FZD6: variants seen among roughly 807,000 people sequenced by gnomAD.
The protein encoded by FZD6 is frizzled-6.
In FZD6, 49 loss-of-function variants were observed where a neutral mutation model predicts 61.4. The ratio of observed to expected loss-of-function variants is 0.80; its 90% confidence interval spans 0.63 to 1.01. The LOEUF is 1.01. FZD6 is among the 50% of genes least tolerant of loss of function. FZD6 has a pLI of 0.00. For missense variants in FZD6, 724 were observed against 848.2 expected (o/e 0.85, Z 1.82); for synonymous variants, 265 against 292.2 (o/e 0.91, Z 0.95).
rs75847304 is a variant in FZD6 at position 103,322,753 on chromosome 8, G to A, written c.375-1728G>A. Among the ~76,000 whole-genome samples the A allele has an allele frequency of 2.2e-3, 339 of 152,268 alleles. 2 individuals carry two copies. The highest frequency in any genetic ancestry group is 7.9e-3 in the African/African-American group (327 of 41,558). The stretch of plus-strand genomic sequence containing the variant: ...ATGTGGAACTTACACACTTCTGGTA[G>A]ATACATAATCATTTTCAAGAACAAT... On this transcript the variant is annotated intron_variant, in intron 3 of 6. Coordinates refer to ENST00000358755, the MANE Select transcript of FZD6 (RefSeq NM_003506.4).
Position 103,326,824 on chromosome 8 carries a change from A to G in FZD6, c.1392+1326A>G, listed in dbSNP as rs376818347. 4.6e-5 allele frequency among the ~76,000 whole-genome samples: 7 copies of G among 152,220 alleles called. No individual in the cohort carries two copies. The South Asian group carries it at 1.2e-3, about 27-fold the overall frequency. On this transcript the variant is annotated intron_variant, in intron 4 of 6. Transcript: ENST00000358755. Reference sequence around the variant, plus strand: ...AAGAGTTGCTACAGATCAATAAGAAAAAAACCATCCATCTGATATAAAAAT... The same window carrying G: ...AAGAGTTGCTACAGATCAATAAGAAGAAAACCATCCATCTGATATAAAAAT...
Position 103,318,755 on chromosome 8 carries a change from A to G in FZD6, c.343A>G (p.Ile115Val). 4 of 1,610,600 alleles carry G rather than the reference A, an allele frequency of 2.5e-6. No homozygotes were observed. The highest frequency in any genetic ancestry group is 3.4e-6 in the Non-Finnish European group (4 of 1,176,878). Residue 115 changes from isoleucine (I) to valine (V), a missense_variant, in exon 3 of 7, where the codon ATC (isoleucine) becomes GTC (valine). Physicochemically the swap from Ile to Val is conservative, Grantham distance 29. Coordinates refer to ENST00000358755, the MANE Select transcript of FZD6 (RefSeq NM_003506.4). ...CAAAAAATTAATTGACACTTTTGGG[A>G]TCCGATGGCCTGAGGAGCTTGAATG... Reference protein sequence around the residue: ...DCKKLIDTFGIRWPEELECDR... With the variant: ...DCKKLIDTFGVRWPEELECDR...
At chr8:103,317,341 G>T (rs1395746031) in intron 2 of FZD6, among the ~76,000 whole-genome samples, 1 of 152,244 alleles carries the variant, frequency 6.6e-6, no homozygotes. Context: ...AATTGGAAAA[G>T]ACTTTGGAAT....
intron 4 of FZD6, 90 bp from the exon 5 acceptor site, chr8:103,328,178 A>G (rs1454820096): frequency 2.1e-6 from 2 of 966,914 alleles, no homozygotes; most frequent in South Asian, 1.4e-5. Flanking sequence ...TTGAAGATTT[A>G]TAACTTTTGT....
chr8:103,318,385 T>G (rs1309295343), intron 2 of FZD6, among the ~76,000 whole-genome samples: 1 of 152,226 alleles, frequency 6.6e-6, no homozygotes, highest in Non-Finnish European at 1.5e-5. Context: ...TTCACTGGAA[T>G]AATCCATGTC....
intron 4 of FZD6, among the ~76,000 whole-genome samples, chr8:103,326,867 A>G (rs1170820705): frequency 6.6e-6 from 1 of 152,150 alleles, no homozygotes; most frequent in Non-Finnish European, 1.5e-5. Flanking sequence ...GAGTAGGAAA[A>G]AGGTTCACAG....
chr8:103,328,319 ATGACATT>A lies in FZD6; in HGVS notation c.1445_1451del (p.Met482LysfsTer48), dbSNP rs780440018. On this transcript the variant is annotated frameshift_variant, in exon 5 of 7. Transcript: ENST00000358755. LOFTEE classifies it high-confidence loss of function. ...GGCTTTATTTATGATAAAATACCTG[ATGACATT>A]AATTGTTGGCATCTCTGCTGTCTTC... 1 of 1,610,562 alleles carries A rather than the reference ATGACATT, an allele frequency of 6.2e-7. No homozygotes were observed. The highest frequency in any genetic ancestry group is 1.1e-5 in the South Asian group (1 of 90,986).
rs527259038 is a variant in FZD6, at chr8:103,332,843, A to G, written c.*1334A>G. On this transcript the variant is annotated 3_prime_UTR_variant, in exon 7 of 7. Coordinates refer to ENST00000358755, the MANE Select transcript of FZD6 (RefSeq NM_003506.4). ...CTTTGTTTTGTGTGATCTTTTCATT[A>G]ATAAAATTATCTTTGTATAAGAATT... is the stretch of plus-strand genomic sequence containing the variant. 1 of 152,732 alleles carries G rather than the reference A, an allele frequency of 6.5e-6. No individual in the cohort carries two copies. The highest frequency in any genetic ancestry group is 1.9e-4 in the East Asian group (1 of 5,192). 9.5% of individuals were successfully genotyped at this position (152,732 alleles called of 1,614,324 possible).
intron 3 of FZD6, among the ~76,000 whole-genome samples, chr8:103,321,636 C>CA (rs1563691191): frequency 6.6e-6 from 1 of 152,186 alleles, no homozygotes; most frequent in Non-Finnish European, 1.5e-5. Context: ...CTTGGTTCCC[C>CA]AGGAGAATGC....
chr8:103,332,536 T>G lies in FZD6; in HGVS notation c.*1027T>G, dbSNP rs1389630220. 1 of 152,294 alleles carries G rather than the reference T, an allele frequency of 6.6e-6. No individual in the cohort carries two copies. The highest frequency in any genetic ancestry group is 1.5e-5 in the Non-Finnish European group (1 of 68,008). The allele number at this position is 152,294 out of a possible 1,614,324, so 9.4% of individuals were successfully genotyped here. ...TTAAAAAGTGTGATAGCGATATTAG[T>G]GCCAATCAAATGGAAAAAAGGTAGT... On this transcript the variant is annotated 3_prime_UTR_variant, in exon 7 of 7. Transcript: ENST00000358755.
chr8:103,326,511 A>G (rs1272762201), intron 4 of FZD6, among the ~76,000 whole-genome samples: 1 of 152,080 alleles, frequency 6.6e-6, no homozygotes, highest in African/African-American at 2.4e-5. Context: ...TTTAAGATCT[A>G]TGGTTTTCAA....
chr8:103,329,013 T>TATATATATATATATATATATA (rs1815041877), intron 5 of FZD6, among the ~76,000 whole-genome samples: 1 of 115,178 alleles, frequency 8.7e-6, no homozygotes, highest in Admixed American at 1.0e-4. Context: ...CATTTTAGTT[T>TATATATATATATATATATATA]TATATATATA....
Position 103,331,370 on chromosome 8 carries a change from C to T in FZD6, c.1982C>T (p.Thr661Ile), listed in dbSNP as rs769718856. 1 of 1,612,816 alleles carries T rather than the reference C, an allele frequency of 6.2e-7. No homozygotes were observed. Among genetic ancestry groups the T allele is most frequent in the Admixed American group, 1.7e-5 (1 of 60,010 alleles). Reference sequence around the variant, plus strand: ...AGTCCAAAGAGTGATATTACTGACACTGGCCTGGCACAGAGCAACAATTTG... The same window carrying T: ...AGTCCAAAGAGTGATATTACTGACATTGGCCTGGCACAGAGCAACAATTTG... ...RISPKSDITD[T>I]GLAQSNNLQV... Residue 661 changes from threonine (T) to isoleucine (I), a missense_variant, in exon 7 of 7, where the codon ACT becomes ATT. Thr to Ile is a moderately conservative substitution (Grantham distance 89, BLOSUM62 -1). Transcript: ENST00000358755.
At position 103,325,491 on chromosome 8, in the gene FZD6, C is replaced by T; in HGVS notation, c.1385C>T (p.Pro462Leu). Reference sequence around the variant, plus strand: ...TGTCGTCAGTACCATATCCCATGTCCTTATCAGGTAAAAGCTATCACTTGG... The same window carrying T: ...TGTCGTCAGTACCATATCCCATGTCTTTATCAGGTAAAAGCTATCACTTGG... ...DHCRQYHIPCPYQAKAKARPE... is the reference protein window; with the variant it reads ...DHCRQYHIPCLYQAKAKARPE... The change falls in exon 4 of 7, where the codon CCT becomes CTT. Residue 462 changes from proline (P) to leucine (L), a missense_variant. By Grantham distance (98) the Pro-to-Leu change is moderately conservative. Transcript: ENST00000358755. 6.2e-7 allele frequency: 1 copy of T among 1,607,404 alleles called. No individual in the cohort carries two copies. Among genetic ancestry groups the T allele is most frequent in the Non-Finnish European group, 8.5e-7 (1 of 1,173,984 alleles).
chr8:103,324,892 G>A lies in FZD6; in HGVS notation c.786G>A (p.Lys262=), dbSNP rs1275410175. The change falls in exon 4 of 7, where the codon AAG becomes AAA. Residue 262 remains lysine (K), a synonymous_variant. Coordinates refer to ENST00000358755, the MANE Select transcript of FZD6 (RefSeq NM_003506.4). ...TAGGCGATAGCACAGCCTGCAATAA[G>A]GCAGATGAGAAGCTAGAACTTGGTG... ...FLLGDSTACN[K]ADEKLELGDT... is the part of the protein sequence containing the mutation. 6.2e-7 allele frequency: 1 copy of A among 1,614,074 alleles called. No homozygotes were observed. The highest frequency in any genetic ancestry group is 2.2e-5 in the East Asian group (1 of 44,884).
At chr8:103,320,200 G>A (rs1193050021) in intron 3 of FZD6, among the ~76,000 whole-genome samples, 1 of 152,206 alleles carries the variant, frequency 6.6e-6, no homozygotes, top group Non-Finnish European at 1.5e-5. Flanking sequence ...GAGGTCCTCT[G>A]TTGTGAGTCT....
At chr8:103,319,652 A>G (rs775035419) in intron 3 of FZD6, among the ~76,000 whole-genome samples, 1 of 152,200 alleles carries the variant, frequency 6.6e-6, no homozygotes, top group African/African-American at 2.4e-5. Context: ...CCTTTTCCAC[A>G]TGCATTCCTG....
Position 103,332,557 on chromosome 8 carries a change from G to A in FZD6, c.*1048G>A, listed in dbSNP as rs1218185847. ...TTAGTGCCAATCAAATGGAAAAAAG[G>A]TAGTTTTAATAAACAAGACACAACG... On this transcript the variant is annotated 3_prime_UTR_variant, in exon 7 of 7. Transcript: ENST00000358755. The A allele has an allele frequency of 1.3e-5, 2 of 152,344 alleles. No individual in the cohort carries two copies. Among genetic ancestry groups the A allele is most frequent in the East Asian group, 1.9e-4 (1 of 5,190 alleles). The allele number at this position is 152,344 out of a possible 1,614,324, so 9.4% of individuals were successfully genotyped here.
chr8:103,300,347 A>G lies in FZD6; in HGVS notation c.177+63A>G, dbSNP rs1423778947. 8.7e-6 allele frequency: 10 copies of G among 1,147,540 alleles called. No homozygotes were observed. The East Asian group carries it at 2.3e-4, about 27-fold the overall frequency. The allele number at this position is 1,147,540 out of a possible 1,614,324, so 71.1% of individuals were successfully genotyped here. A position where few individuals can be genotyped will look rare whatever the true frequency, so the allele number is the denominator to read the frequency against. ...ATGCTCTGTTCTAGAATAAACTAGT[A>G]AAAATAAGTCTATTTTTAAACAGAG... On this transcript the variant is annotated intron_variant, in intron 2 of 6. Coordinates refer to ENST00000358755, the MANE Select transcript of FZD6 (RefSeq NM_003506.4).
Sources: gnomAD v4.1 joint callset for allele counts (sites outside exome capture counted in the v4.1 genomes callset) on GRCh38, gnomAD v4.1.1 for gene constraint, MANE v1.5 for transcripts, NCBI Gene and HGNC (gene_info 2026-07-23, HGNC 2026-07-21) for gene names.